Variants in GLYCTK observed in about 807,000 individuals in gnomAD.
The protein encoded by GLYCTK is glycerate kinase.
Under a neutral mutation model 24.8 loss-of-function variants are expected in GLYCTK, and 22 were observed. The ratio of observed to expected loss-of-function variants is 0.89; its 90% CI spans 0.63 to 1.27. GLYCTK has a LOEUF of 1.27. Among genes scored for constraint, GLYCTK ranks in the 50% most tolerant of loss-of-function variants. The pLI, the probability that GLYCTK is intolerant of heterozygous loss-of-function variation, is 0.00. For missense variants in GLYCTK, 684 were observed against 686.7 expected (o/e 1.00, Z 0.04); for synonymous variants, 320 against 297.2 (o/e 1.08, Z -0.79).
intron 1 of GLYCTK, among the ~76,000 whole-genome samples, chr3:52,289,899 G>A (rs1301025265): frequency 3.3e-5 from 5 of 152,236 alleles, no homozygotes; most frequent in Non-Finnish European, 1.5e-5. Context: ...CCAGAAAGGG[G>A]CGTTGCCCCA....
At position 52,290,333 on chromosome 3, in the gene GLYCTK, G is replaced by A. The variant is rs2153220764; in HGVS notation, c.-10G>A. The A allele has an allele frequency of 1.9e-6, 3 of 1,595,472 alleles. No homozygotes were observed. Among genetic ancestry groups the A allele is most frequent in the Non-Finnish European group, 2.5e-6 (3 of 1,178,432 alleles). On this transcript the variant is annotated 5_prime_UTR_variant, in exon 2 of 5. Coordinates refer to ENST00000436784, the MANE Select transcript of GLYCTK (RefSeq NM_145262.4). ...CCATGGGTGCCAGGCAGTGCTGAGA[G>A]CAGTGGGGCATGGCTGCAGCCCTGC...
At chr3:52,289,990 A>G in intron 1 of GLYCTK, 1 of 351,324 alleles carries the variant, frequency 2.8e-6, no homozygotes, top group Non-Finnish European at 5.3e-6. Context: ...TCTGTCAATG[A>G]TTAACTCCCA....
chr3:52,288,155 T>C (rs763362982), intron 1 of GLYCTK: 3 of 164,904 alleles, frequency 1.8e-5, no homozygotes, highest in Non-Finnish European at 4.1e-5. Flanking sequence ...TCCCGGAGTT[T>C]CGGAGAGACC....
chr3:52,294,924 C>T lies in GLYCTK; in HGVS notation c.*1798C>T, dbSNP rs751057090. 4.0e-5 allele frequency: 18 copies of T among 453,938 alleles called. No homozygotes were observed. The highest frequency in any genetic ancestry group is 4.0e-5 in the Non-Finnish European group (9 of 226,804). 28.1% of individuals were successfully genotyped at this position (453,938 alleles called of 1,614,324 possible). On this transcript the variant is annotated 3_prime_UTR_variant, in exon 5 of 5. Transcript: ENST00000436784. ...GAGTGGGAATGCATCTCTGAGTGTACACATAGATACTTAGTACAGGGCACA... is the reference window on the plus strand; with the variant it reads ...GAGTGGGAATGCATCTCTGAGTGTATACATAGATACTTAGTACAGGGCACA...
chr3:52,288,424 G>A (rs918890292), intron 1 of GLYCTK, among the ~76,000 whole-genome samples: 1 of 152,134 alleles, frequency 6.6e-6, no homozygotes, highest in Non-Finnish European at 1.5e-5. Context: ...TGGTCAGGCT[G>A]GTCTCGAACT....
chr3:52,293,020 C>T lies in GLYCTK; in HGVS notation c.1466C>T (p.Ser489Leu), dbSNP rs970569662. 2.5e-6 allele frequency: 4 copies of T among 1,614,098 alleles called. No homozygotes were observed. Among genetic ancestry groups the T allele is most frequent in the Non-Finnish European group, 3.4e-6 (4 of 1,180,050 alleles). ...GCCACCTTCCTAGCCCACAATGACT[C>T]ACATACCTTCTTCTGCTGCCTCCAG... is the stretch of plus-strand genomic sequence containing the variant. ...DIATFLAHNDSHTFFCCLQGG... is the reference protein window; with the variant it reads ...DIATFLAHNDLHTFFCCLQGG... The change falls in exon 5 of 5, where the codon TCA becomes TTA. Residue 489 changes from serine (S) to leucine (L), a missense_variant. Physicochemically the swap from Ser to Leu is moderately radical, Grantham distance 145. Coordinates refer to ENST00000436784, the MANE Select transcript of GLYCTK (RefSeq NM_145262.4).
At chr3:52,288,079 T>G (rs1700343145) in intron 1 of GLYCTK, 1 of 205,424 alleles carries the variant, frequency 4.9e-6, no homozygotes, top group Admixed American at 5.4e-5. Context: ...GGTACCAGCC[T>G]TCTTTGATGG....
chr3:52,291,452 C>T lies in GLYCTK; in HGVS notation c.530-295C>T, dbSNP rs1309859719. 9 of 580,452 alleles carry T rather than the reference C, an allele frequency of 1.6e-5. No homozygotes were observed. In the East Asian group the frequency reaches 2.0e-4, roughly 13 times the overall value. The allele number at this position is 580,452 out of a possible 1,614,324, so 36.0% of individuals were successfully genotyped here. A position where few individuals can be genotyped will look rare whatever the true frequency, so the allele number is the denominator to read the frequency against. On this transcript the variant is annotated intron_variant, in intron 3 of 4. Coordinates refer to ENST00000436784, the MANE Select transcript of GLYCTK (RefSeq NM_145262.4). ...GTCACCTGGGGCTAGGCCCTCAGAC[C>T]TCATGGAGTCCTCTCCTTGATCTTC... is the stretch of plus-strand genomic sequence containing the variant.
intron 1 of GLYCTK, chr3:52,288,724 T>C (rs1700367271): frequency 6.6e-6 from 1 of 152,154 alleles, no homozygotes; most frequent in Non-Finnish European, 1.5e-5. Flanking sequence ...CTCTTGTCCA[T>C]CTGGGAAATA....
At position 52,292,598 on chromosome 3, in the gene GLYCTK, C is replaced by T. The variant is rs542433680; in HGVS notation, c.1044C>T (p.Tyr348=). 7.4e-6 allele frequency: 12 copies of T among 1,613,722 alleles called. No homozygotes were observed. Among genetic ancestry groups the T allele is most frequent in the Middle Eastern group, 1.6e-4 (1 of 6,062 alleles). ...QGDVKSMAQF[Y]GLLAHVARTR... Reference sequence around the variant, plus strand: ...ATGTAAAAAGTATGGCCCAGTTCTACGGGCTGCTGGCCCATGTGGCTAGAA... The same window carrying T: ...ATGTAAAAAGTATGGCCCAGTTCTATGGGCTGCTGGCCCATGTGGCTAGAA... Residue 348 remains tyrosine, a synonymous_variant, in exon 5 of 5, where the codon TAC becomes TAT. Coordinates refer to ENST00000436784, the MANE Select transcript of GLYCTK (RefSeq NM_145262.4).
rs746876324 is a variant in GLYCTK, at chr3:52,294,700, G to A, written c.*1574G>A. On this transcript the variant is annotated 3_prime_UTR_variant, in exon 5 of 5. Transcript: ENST00000436784. Reference sequence around the variant, plus strand: ...TGTGCCGTGGTGCTCCTCTGGCAGCGTCTACATGTAGCCTGTTCCTGCCTC... The same window carrying A: ...TGTGCCGTGGTGCTCCTCTGGCAGCATCTACATGTAGCCTGTTCCTGCCTC... The A allele has an allele frequency of 1.1e-5, 5 of 441,036 alleles. No homozygotes were observed. The highest frequency in any genetic ancestry group is 2.4e-5 in the Admixed American group (1 of 41,918). The allele number at this position is 441,036 out of a possible 1,614,324, so 27.3% of individuals were successfully genotyped here. A position where few individuals can be genotyped will look rare whatever the true frequency, so the allele number is the denominator to read the frequency against.
chr3:52,290,616 G>A lies in GLYCTK; in HGVS notation c.274G>A (p.Gly92Ser), dbSNP rs772298131. 6.2e-7 allele frequency: 1 copy of A among 1,613,604 alleles called. No homozygotes were observed. Among genetic ancestry groups the A allele is most frequent in the African/African-American group, 1.3e-5 (1 of 74,942 alleles). ...YLVGFGKAVLGMAAAAEELLG... is the reference protein window; with the variant it reads ...YLVGFGKAVLSMAAAAEELLG... ...GGTGGGCTTTGGCAAGGCTGTGCTG[G>A]GTATGGCAGCTGCAGCTGAGGAACT... The change falls in exon 2 of 5, where the codon GGT becomes AGT. Residue 92 changes from glycine (G) to serine (S), a missense_variant. Gly to Ser is a moderately conservative substitution (Grantham distance 56). Coordinates refer to ENST00000436784, the MANE Select transcript of GLYCTK (RefSeq NM_145262.4).
chr3:52,292,057 A>C, intron 4 of GLYCTK, 135 bp downstream of exon 4: 1 of 1,141,290 alleles, frequency 8.8e-7, no homozygotes, highest in East Asian at 2.4e-5. Flanking sequence ...GCTGGGTGAC[A>C]TCATGGGAGG....
chr3:52,293,319 A>G lies in GLYCTK; in HGVS notation c.*193A>G, dbSNP rs572056020. 3 of 720,122 alleles carry G rather than the reference A, an allele frequency of 4.2e-6. No individual in the cohort carries two copies. The Admixed American group carries it at 6.0e-5, about 14-fold the overall frequency. The allele number at this position is 720,122 out of a possible 1,614,324, so 44.6% of individuals were successfully genotyped here. A position where few individuals can be genotyped will look rare whatever the true frequency, so the allele number is the denominator to read the frequency against. ...TATTCCCTTCCAGCCAGACTGGCAG[A>G]TGGGGGCTTCCCCCTACCCCTGAGG... is the stretch of plus-strand genomic sequence containing the variant. On this transcript the variant is annotated 3_prime_UTR_variant, in exon 5 of 5. Coordinates refer to ENST00000436784, the MANE Select transcript of GLYCTK (RefSeq NM_145262.4).
Position 52,292,733 on chromosome 3 carries a change from G to A in GLYCTK, c.1179G>A (p.Glu393=). ...IPDLQLEEAL[E]TMAWGRGPVC... Reference sequence around the variant, plus strand: ...ACCTGCAGCTGGAGGAGGCTCTGGAGACCATGGCATGGGGAAGGGGCCCAG... The same window carrying A: ...ACCTGCAGCTGGAGGAGGCTCTGGAAACCATGGCATGGGGAAGGGGCCCAG... The change falls in exon 5 of 5, where the codon GAG becomes GAA. Residue 393 remains glutamate, a synonymous_variant. Transcript: ENST00000436784. The A allele has an allele frequency of 6.2e-7, 1 of 1,608,972 alleles. No individual in the cohort carries two copies. Among genetic ancestry groups the A allele is most frequent in the Non-Finnish European group, 8.5e-7 (1 of 1,177,218 alleles).
At chr3:52,288,300 C>T (rs77402136) in intron 1 of GLYCTK, among the ~76,000 whole-genome samples, 2 of 152,260 alleles carry the variant, frequency 1.3e-5, no homozygotes, top group South Asian at 2.1e-4. Context: ...GCAACCTCCG[C>T]CTCCCCTGTT....
Position 52,293,201 on chromosome 3 carries a change from T to A in GLYCTK, c.*75T>A. 6.7e-7 allele frequency: 1 copy of A among 1,500,858 alleles called. No individual in the cohort carries two copies. Among genetic ancestry groups the A allele is most frequent in the Non-Finnish European group, 9.2e-7 (1 of 1,089,392 alleles). The allele number at this position is 1,500,858 out of a possible 1,614,324, so 93.0% of individuals were successfully genotyped here. A position where few individuals can be genotyped will look rare whatever the true frequency, so the allele number is the denominator to read the frequency against. On this transcript the variant is annotated 3_prime_UTR_variant, in exon 5 of 5. Transcript: ENST00000436784. ...TCAGATGGCAGAGCAAGGTTGGTCC[T>A]CAGGGCCTCTCTAAGCCTTAGGGCC...
In GLYCTK at chr3:52,290,719, A is replaced by G. The variant is rs776001277; in HGVS notation, c.377A>G (p.Gln126Arg). The G allele has an allele frequency of 1.9e-6, 3 of 1,610,028 alleles. No homozygotes were observed. The highest frequency in any genetic ancestry group is 2.2e-5 in the South Asian group (2 of 90,924). ...IRAAMERAGKQEMLLKPHSRV... is the reference protein window; with the variant it reads ...IRAAMERAGKREMLLKPHSRV... ...GCTGCCATGGAGCGTGCCGGCAAGC[A>G]GTAAGGAGCCATGGGGGCCTGCCTC... Residue 126 changes from glutamine to arginine, a missense_variant and splice_region_variant, in exon 2 of 5, where the codon CAG (glutamine) becomes CGG (arginine). Coordinates refer to ENST00000436784, the MANE Select transcript of GLYCTK (RefSeq NM_145262.4).
chr3:52,294,101 A>G lies in GLYCTK; in HGVS notation c.*975A>G, dbSNP rs758628232. 7.6e-6 allele frequency: 4 copies of G among 524,282 alleles called. No homozygotes were observed. In the Admixed American group the frequency reaches 7.8e-5, roughly 10 times the overall value. The allele number at this position is 524,282 out of a possible 1,614,324, so 32.5% of individuals were successfully genotyped here. On this transcript the variant is annotated 3_prime_UTR_variant, in exon 5 of 5. Coordinates refer to ENST00000436784, the MANE Select transcript of GLYCTK (RefSeq NM_145262.4). ...GTGACCACTGGCGGGAGAAGAGGCAAGTGGGAATAGAGGAACGGCTGTGTT... is the reference window on the plus strand; with the variant it reads ...GTGACCACTGGCGGGAGAAGAGGCAGGTGGGAATAGAGGAACGGCTGTGTT...
Sources: allele counts gnomAD v4.1 joint callset (sites outside exome capture counted in the v4.1 genomes callset), GRCh38; gene constraint gnomAD v4.1.1; transcripts MANE v1.5; gene names NCBI Gene and HGNC (gene_info 2026-07-23, HGNC 2026-07-21).